Variants in C8A observed in about 807,000 individuals in gnomAD.
C8A encodes complement C8 alpha chain.
In C8A, 67 loss-of-function variants were observed where a neutral mutation model predicts 65.3. The observed-to-expected ratio is 1.03, with a 90% CI of 0.84 to 1.26. The LOEUF (loss-of-function observed/expected upper bound fraction) is 1.26, where lower values mean the gene tolerates loss of function less well. C8A is among the 50% of genes most tolerant of loss of function. C8A has a pLI of 0.00. For synonymous variants in C8A, 290 were observed against 259.4 expected (o/e 1.12, Z -1.13); for missense variants, 781 against 723.9 (o/e 1.08, Z -0.90).
intron 6 of C8A, among the ~76,000 whole-genome samples, chr1:56,885,566 T>C (rs1164127894): frequency 2.7e-5 from 4 of 145,778 alleles, no homozygotes; most frequent in Non-Finnish European, 4.5e-5. Flanking sequence ...TTTTTTTTTG[T>C]TTGTTTTTTT....
intron 7 of C8A, among the ~76,000 whole-genome samples, chr1:56,890,027 T>C (rs1374253655): frequency 1.3e-5 from 2 of 152,160 alleles, no homozygotes; most frequent in Non-Finnish European, 2.9e-5. Context: ...TCTTTGGAGC[T>C]GTCATTATTT....
At position 56,906,736 on chromosome 1, in the gene C8A, A is replaced by G. The variant is rs1318586861; in HGVS notation, c.1166A>G (p.Asn389Ser). ...GGCATTCAATATGAAGACAAAATAA[A>G]TGTTGGTGGAGGTTTATCAGGAGAC... is the stretch of plus-strand genomic sequence containing the variant. ...SLGIQYEDKI[N>S]VGGGLSGDHC... The change falls in exon 8 of 11, where the codon AAT becomes AGT. Residue 389 changes from asparagine (N) to serine (S), a missense_variant. Physicochemically the swap from Asn to Ser is conservative, Grantham distance 46 (BLOSUM62 1). Transcript: ENST00000361249. 1 of 1,614,114 alleles carries G rather than the reference A, an allele frequency of 6.2e-7. No homozygotes were observed. Among genetic ancestry groups the G allele is most frequent in the Non-Finnish European group, 8.5e-7 (1 of 1,179,974 alleles).
At chr1:56,899,624 A>G (rs1357267903) in intron 7 of C8A, among the ~76,000 whole-genome samples, 1 of 152,138 alleles carries the variant, frequency 6.6e-6, no homozygotes, top group Non-Finnish European at 1.5e-5. Context: ...ATACTGCAGA[A>G]ATGCCCATTA....
At chr1:56,867,505 A>G (rs1425909073) in intron 1 of C8A, 104 bp from the exon 2 acceptor site, 3 of 797,300 alleles carry the variant, frequency 3.8e-6, no homozygotes, top group Admixed American at 1.9e-5. Context: ...TTCATTCCTC[A>G]TTTCTTCCAA....
chr1:56,865,830 T>C (rs74075628), intron 1 of C8A, among the ~76,000 whole-genome samples: 2,782 of 152,312 alleles, frequency 0.018, 115 homozygotes, highest in African/African-American at 0.064. Flanking sequence ...TTAACAGGTT[T>C]GATGTTTAGA....
chr1:56,887,970 C>T (rs1161996783), intron 7 of C8A, among the ~76,000 whole-genome samples: 2 of 152,164 alleles, frequency 1.3e-5, no homozygotes, highest in South Asian at 4.2e-4. Flanking sequence ...ATATCACACA[C>T]CAGGGCCTGT....
intron 3 of C8A, 126 bp downstream of exon 3, chr1:56,875,219 T>C: frequency 9.2e-7 from 1 of 1,086,708 alleles, no homozygotes. Flanking sequence ...TTCTCTAGGT[T>C]TGGGATGGGT....
In C8A at chr1:56,917,583, G is replaced by T. The variant is rs1251288223; in HGVS notation, c.1622G>T (p.Ser541Ile). ...TQTEGAKADGSWSCWSSWSVC... is the reference protein window; with the variant it reads ...TQTEGAKADGIWSCWSSWSVC... The stretch of plus-strand genomic sequence containing the variant: ...TCTGCAGGAGCCAAAGCAGATGGGA[G>T]CTGGAGTTGCTGGAGCTCCTGGTCT... Residue 541 changes from serine to isoleucine, a missense_variant, in exon 11 of 11, where the codon AGC becomes ATC. Transcript: ENST00000361249. 1 of 1,614,182 alleles carries T rather than the reference G, an allele frequency of 6.2e-7. No individual in the cohort carries two copies. The highest frequency in any genetic ancestry group is 8.5e-7 in the Non-Finnish European group (1 of 1,180,034).
At chr1:56,894,195 A>C (rs1001750367) in intron 7 of C8A, among the ~76,000 whole-genome samples, 1 of 152,094 alleles carries the variant, frequency 6.6e-6, no homozygotes, top group African/African-American at 2.4e-5. Context: ...GCTCTGAAAC[A>C]TTGCTCAACT....
At chr1:56,870,898 A>G (rs556181723) in intron 2 of C8A, among the ~76,000 whole-genome samples, 1 of 152,310 alleles carries the variant, frequency 6.6e-6, no homozygotes, top group East Asian at 1.9e-4. Context: ...ATGTACATTT[A>G]TGGAAGGAAA....
intron 2 of C8A, among the ~76,000 whole-genome samples, chr1:56,868,359 A>G (rs1032137905): frequency 4.6e-5 from 7 of 151,478 alleles, no homozygotes; most frequent in African/African-American, 1.7e-4. Context: ...CTGTAATCCA[A>G]GCACTTTGGG....
At chr1:56,885,867 T>C in intron 6 of C8A, 60 bp from the exon 7 acceptor site, 1 of 1,611,618 alleles carries the variant, frequency 6.2e-7, no homozygotes, top group Non-Finnish European at 8.5e-7. Flanking sequence ...GCATTATTTC[T>C]AATGGTAAAA....
chr1:56,878,460 C>T (rs1011575877), intron 4 of C8A, among the ~76,000 whole-genome samples: 3 of 152,130 alleles, frequency 2.0e-5, no homozygotes, highest in South Asian at 2.1e-4. Flanking sequence ...TCTTCTCCCA[C>T]GTGATTTAAC....
At chr1:56,881,257 A>G (rs1365328328) in intron 4 of C8A, among the ~76,000 whole-genome samples, 188 bp from the exon 5 acceptor site, 1 of 152,154 alleles carries the variant, frequency 6.6e-6, no homozygotes, top group Non-Finnish European at 1.5e-5. Context: ...TCTCTCCTAA[A>G]AGCTGCTTTT....
At chr1:56,899,570 C>G (rs1644411380) in intron 7 of C8A, among the ~76,000 whole-genome samples, 1 of 152,196 alleles carries the variant, frequency 6.6e-6, no homozygotes, top group African/African-American at 2.4e-5. Context: ...TATGAAGTCA[C>G]CGGGTGCCCT....
chr1:56,916,884 C>T (rs1052696064), intron 10 of C8A, among the ~76,000 whole-genome samples: 6 of 152,216 alleles, frequency 3.9e-5, no homozygotes, highest in African/African-American at 1.4e-4. Flanking sequence ...TGCAGACAGC[C>T]TGTCACCCTC....
intron 7 of C8A, among the ~76,000 whole-genome samples, chr1:56,898,222 T>A (rs1025461888): frequency 6.6e-6 from 1 of 152,114 alleles, no homozygotes; most frequent in African/African-American, 2.4e-5. Flanking sequence ...CAATCTTGGC[T>A]GGATTATGCC....
rs150755683 is a variant in C8A at position 56,881,586 on chromosome 1, T to C, written c.606T>C (p.Asp202=). 2.1e-3 allele frequency: 3,357 copies of C among 1,613,756 alleles called. 8 individuals carry two copies. Among genetic ancestry groups the C allele is most frequent in the Non-Finnish European group, 2.6e-3 (3,111 of 1,179,760 alleles). ...STCERLYYGD[D]EKYFRKPYNF... ...GTGAACGTCTCTACTATGGAGATGA[T>C]GAGAAATACTTTCGGAAACCCTACA... Residue 202 remains aspartate, a synonymous_variant, in exon 5 of 11, where the codon GAT becomes GAC. Coordinates refer to ENST00000361249, the MANE Select transcript of C8A (RefSeq NM_000562.3).
intron 1 of C8A, among the ~76,000 whole-genome samples, chr1:56,858,664 C>T (rs1644000349): frequency 6.6e-6 from 1 of 152,090 alleles, no homozygotes; most frequent in South Asian, 2.1e-4. Context: ...AATAGTAGTC[C>T]AGAAGACTGA....
Sources: allele counts gnomAD v4.1 joint callset (sites outside exome capture counted in the v4.1 genomes callset), GRCh38; gene constraint gnomAD v4.1.1; transcripts MANE v1.5; gene names NCBI Gene and HGNC (gene_info 2026-07-23, HGNC 2026-07-21).